The following ARMH3 variants were observed in gnomAD, a reference collection of about 807,000 sequenced individuals.
ARMH3 encodes armadillo-like helical domain-containing protein 3.
A neutral mutation model predicts 99.1 loss-of-function variants in ARMH3; 60 were observed. That is an observed-to-expected ratio of 0.61 (90% CI 0.49 to 0.75). ARMH3 has a LOEUF of 0.75. Ranked by LOEUF, ARMH3 falls within the 30% of genes least tolerant of loss-of-function variation. The probability of loss-of-function intolerance (pLI) is 0.00; values close to 1 mark genes in which losing one functional copy is unlikely to be tolerated. For synonymous variants in ARMH3, 285 were observed against 292.8 expected (o/e 0.97, Z 0.27); for missense variants, 679 against 843.1 (o/e 0.81, Z 2.41).
chr10:101,996,561 A>G (rs1847066129), intron 15 of ARMH3, among the ~76,000 whole-genome samples: 1 of 151,712 alleles, frequency 6.6e-6, no homozygotes, highest in Non-Finnish European at 1.5e-5. Context: ...TAGATTCACA[A>G]CTCTTCTACC....
chr10:101,910,867 C>T (rs192462623), intron 23 of ARMH3, among the ~76,000 whole-genome samples: 68 of 151,548 alleles, frequency 4.5e-4, no homozygotes, highest in African/African-American at 1.5e-3. Context: ...GGGCTGGGCG[C>T]GGTGACTCAT....
intron 2 of ARMH3, 75 bp from the exon 3 acceptor site, chr10:102,033,414 C>T: frequency 6.8e-7 from 1 of 1,462,548 alleles, no homozygotes; most frequent in Non-Finnish European, 9.3e-7. Context: ...ACATAGTCAA[C>T]CTTAGTTTTC....
In ARMH3 at chr10:101,991,485, A is replaced by G. The variant is rs1846792187; in HGVS notation, c.1345+484T>C. ...AACCTCTGCCTCCTGGGTTCAAGCG[A>G]TTCTCCTGCCTCGGCCTCCTGAGTA... On this transcript the variant is annotated intron_variant, in intron 18 of 25. Transcript: ENST00000370033. 2.0e-5 allele frequency among the ~76,000 whole-genome samples: 3 copies of G among 151,936 alleles called. No homozygotes were observed. In the South Asian group the frequency reaches 6.2e-4, roughly 32 times the overall value.
intron 24 of ARMH3, among the ~76,000 whole-genome samples, chr10:101,854,096 G>C (rs993490166): frequency 6.6e-6 from 1 of 152,148 alleles, no homozygotes; most frequent in African/African-American, 2.4e-5. Context: ...CTGGGCAACA[G>C]AGCGAGACTC....
intron 24 of ARMH3, among the ~76,000 whole-genome samples, chr10:101,873,005 G>C (rs1431272601): frequency 4.0e-5 from 6 of 151,832 alleles, no homozygotes; most frequent in African/African-American, 1.5e-4. Flanking sequence ...ATACCCAATG[G>C]CTAAAATTAA....
chr10:101,921,514 C>G (rs1315930297), intron 23 of ARMH3, among the ~76,000 whole-genome samples: 2 of 152,132 alleles, frequency 1.3e-5, no homozygotes, highest in East Asian at 3.8e-4. Flanking sequence ...ATCAGTATAT[C>G]AAAGAGATAC....
rs548950585 is a variant in ARMH3, at chr10:101,902,308, T to C, written c.1782-12818A>G. ...TGTGAGACAAATTCAAAAAATCATATAACTAGTTTAAAAAGCCAAAGACCA... is the reference window on the plus strand; with the variant it reads ...TGTGAGACAAATTCAAAAAATCATACAACTAGTTTAAAAAGCCAAAGACCA... On this transcript the variant is annotated intron_variant, in intron 23 of 25. Transcript: ENST00000370033. 7.2e-5 allele frequency among the ~76,000 whole-genome samples: 11 copies of C among 152,236 alleles called. No individual in the cohort carries two copies. The East Asian group carries it at 2.1e-3, about 29-fold the overall frequency.
At chr10:101,996,660 A>T (rs533547135) in intron 15 of ARMH3, among the ~76,000 whole-genome samples, 10 of 150,246 alleles carry the variant, frequency 6.7e-5, no homozygotes, top group Non-Finnish European at 1.5e-4. Flanking sequence ...TCCACTTAAA[A>T]TTTTTTTTAA....
At chr10:102,055,285 G>A (rs551538874) in intron 1 of ARMH3, among the ~76,000 whole-genome samples, 9 of 151,430 alleles carry the variant, frequency 5.9e-5, no homozygotes, top group Admixed American at 4.0e-4. Context: ...CGACAACAGC[G>A]AAACTCCATC....
chr10:101,896,571 A>C (rs1333056766), intron 23 of ARMH3, among the ~76,000 whole-genome samples: 2 of 152,240 alleles, frequency 1.3e-5, no homozygotes, highest in Non-Finnish European at 2.9e-5. Flanking sequence ...GATGAACTGT[A>C]TCATATATAA....
chr10:101,879,216 C>T (rs2067348082), intron 24 of ARMH3, among the ~76,000 whole-genome samples: 1 of 152,202 alleles, frequency 6.6e-6, no homozygotes, highest in African/African-American at 2.4e-5. Flanking sequence ...AAAGCTCAGG[C>T]TTTGTAGTCA....
intron 22 of ARMH3, among the ~76,000 whole-genome samples, chr10:101,955,581 T>C (rs1057371857): frequency 2.0e-5 from 3 of 152,240 alleles, no homozygotes; most frequent in Non-Finnish European, 4.4e-5. Context: ...GCTTCTATTC[T>C]TTCTCCTGGT....
At chr10:101,915,215 T>A (rs1590015580) in intron 23 of ARMH3, among the ~76,000 whole-genome samples, 1 of 152,284 alleles carries the variant, frequency 6.6e-6, no homozygotes, top group Non-Finnish European at 1.5e-5. Context: ...TAAGAGGCTT[T>A]AACAGATGGG....
chr10:102,044,097 T>TG (rs1487763045), intron 1 of ARMH3, among the ~76,000 whole-genome samples: 1 of 148,484 alleles, frequency 6.7e-6, no homozygotes, highest in Non-Finnish European at 1.5e-5. Context: ...TTTTCTTTTT[T>TG]TTTTTTTTTT....
At chr10:101,868,996 C>T (rs1010801957) in intron 24 of ARMH3, among the ~76,000 whole-genome samples, 1 of 150,408 alleles carries the variant, frequency 6.6e-6, no homozygotes, top group Admixed American at 6.6e-5. Flanking sequence ...CGTTTGAACC[C>T]GGGAGGCAGA....
chr10:102,025,144 T>C lies in ARMH3; in HGVS notation c.507+12A>G, dbSNP rs759450020. The C allele has an allele frequency of 3.7e-6, 6 of 1,602,078 alleles. No individual in the cohort carries two copies. Among genetic ancestry groups the C allele is most frequent in the African/African-American group, 1.3e-5 (1 of 74,616 alleles). ...TGTCAATTAATACCCTTGACAAACATAGGTCACTTACGGTCACTAAGCAAA... is the reference window on the plus strand; with the variant it reads ...TGTCAATTAATACCCTTGACAAACACAGGTCACTTACGGTCACTAAGCAAA... On this transcript the variant is annotated intron_variant, in intron 6 of 25. Coordinates refer to ENST00000370033, the MANE Select transcript of ARMH3 (RefSeq NM_024541.3).
At position 101,970,251 on chromosome 10, in the gene ARMH3, G is replaced by A. The variant is rs570859665; in HGVS notation, c.1495+4961C>T. ...TTAAAAGCAATCCATGCACCTGTGGGTAAGGAAGAATGAGAAAAACAAAAG... is the reference window on the plus strand; with the variant it reads ...TTAAAAGCAATCCATGCACCTGTGGATAAGGAAGAATGAGAAAAACAAAAG... On this transcript the variant is annotated intron_variant, in intron 20 of 25. Coordinates refer to ENST00000370033, the MANE Select transcript of ARMH3 (RefSeq NM_024541.3). Among the ~76,000 whole-genome samples the A allele has an allele frequency of 9.9e-5, 15 of 152,280 alleles. No homozygotes were observed. The South Asian group carries it at 3.1e-3, about 32-fold the overall frequency.
chr10:102,043,881 C>T (rs565626868), intron 1 of ARMH3, among the ~76,000 whole-genome samples: 8 of 152,294 alleles, frequency 5.3e-5, no homozygotes, highest in Admixed American at 5.2e-4. Flanking sequence ...GTCACGTGAG[C>T]TGCTGTCACT....
intron 24 of ARMH3, among the ~76,000 whole-genome samples, chr10:101,874,356 T>A (rs2067208070): frequency 6.6e-6 from 1 of 152,116 alleles, no homozygotes; most frequent in Non-Finnish European, 1.5e-5. Context: ...TCATTTTTGG[T>A]CTTAATATTC....
Sources: gnomAD v4.1 joint callset for allele counts (sites outside exome capture counted in the v4.1 genomes callset) on GRCh38, gnomAD v4.1.1 for gene constraint, MANE v1.5 for transcripts, NCBI Gene and HGNC (gene_info 2026-07-23, HGNC 2026-07-21) for gene names.